The following GRM4 variants were observed in gnomAD, a reference collection of about 807,000 sequenced individuals.
The protein encoded by GRM4 is glutamate metabotropic receptor 4, also known as metabotropic glutamate receptor 4.
A neutral mutation model predicts 81.7 loss-of-function variants in GRM4; 28 were observed. That is an observed-to-expected ratio of 0.34 (90% CI 0.25 to 0.47). GRM4 has a LOEUF of 0.47. Among genes scored for constraint, GRM4 ranks in the 20% least tolerant of loss-of-function variants. The pLI is 1.00. For missense variants in GRM4, 948 were observed against 1,290.0 expected (o/e 0.73, Z 4.06); for synonymous variants, 488 against 528.8 (o/e 0.92, Z 1.06).
Position 34,048,430 on chromosome 6 carries a change from T to C in GRM4, c.1169-7682A>G, listed in dbSNP as rs1049031911. Among the ~76,000 whole-genome samples the C allele has an allele frequency of 6.7e-5, 10 of 149,584 alleles. No individual in the cohort carries two copies. The highest frequency in any genetic ancestry group is 2.4e-4 in the African/African-American group (10 of 41,006). On this transcript the variant is annotated intron_variant, in intron 6 of 10. Coordinates refer to ENST00000538487, the MANE Select transcript of GRM4 (RefSeq NM_000841.4). The surrounding 1 kb of genome is among the most constrained non-coding windows in gnomAD (Gnocchi z 4.0). ...CACACCTCGGCTGAGGAGCTGGGGC[T>C]CAGCTCTCCCACACAGGAGGGGCTG...
Position 34,022,603 on chromosome 6 carries a change from G to A in GRM4, c.*218C>T, listed in dbSNP as rs1048870663. On this transcript the variant is annotated 3_prime_UTR_variant, in exon 11 of 11. Coordinates refer to ENST00000538487, the MANE Select transcript of GRM4 (RefSeq NM_000841.4). The surrounding 1 kb of genome is among the most constrained non-coding windows in gnomAD (Gnocchi z 5.6). ...GTCCAAGACGCAGGTTCTTGTGGTA[G>A]CCTGGCACCGCCCCGGCCCCTCGTC... 1.5e-5 allele frequency: 9 copies of A among 585,978 alleles called. No homozygotes were observed. The highest frequency in any genetic ancestry group is 2.8e-5 in the Non-Finnish European group (9 of 327,142). 36.3% of individuals were successfully genotyped at this position (585,978 alleles called of 1,614,324 possible).
At chr6:34,085,681 G>T (rs2056370686) in intron 3 of GRM4, among the ~76,000 whole-genome samples, 5 of 152,226 alleles carry the variant, frequency 3.3e-5, no homozygotes, top group Admixed American at 3.3e-4. Flanking sequence ...ATGTGCCAGG[G>T]CTGTGTTAGA....
rs116097854 is a variant in GRM4 at position 34,070,599 on chromosome 6, C to A, written c.737-8571G>T. Among the ~76,000 whole-genome samples the A allele has an allele frequency of 6.0e-3, 907 of 151,996 alleles. 3 individuals carry two copies. Among genetic ancestry groups the A allele is most frequent in the African/African-American group, 0.02 (821 of 41,390 alleles). On this transcript the variant is annotated intron_variant, in intron 3 of 10. Coordinates refer to ENST00000538487, the MANE Select transcript of GRM4 (RefSeq NM_000841.4). This position sits in a 1 kb window ranked among gnomAD's most constrained non-coding sequence, Gnocchi z 4.6. ...GGTAAGGCCTAGTGGGGTGGGGCTG[C>A]TGAGGCAGGAGGGCAGGAGCTCGGA... is the stretch of plus-strand genomic sequence containing the variant.
At chr6:34,148,556 G>A (rs1167783975), upstream of GRM4, among the ~76,000 whole-genome samples, 1 of 152,210 alleles carries the variant, frequency 6.6e-6, no homozygotes, top group African/African-American at 2.4e-5. Context: ...TGTTTCAAGG[G>A]ACTTGGCCTG....
Position 34,139,923 on chromosome 6 carries a change from C to T in GRM4, c.-363-6064G>A, listed in dbSNP as rs114688171. Among the ~76,000 whole-genome samples, 703 of 152,326 alleles carry T rather than the reference C, an allele frequency of 4.6e-3. 3 individuals carry two copies. The highest frequency in any genetic ancestry group is 7.3e-3 in the Non-Finnish European group (495 of 68,022). On this transcript the variant is annotated intron_variant, in intron 1 of 10. Coordinates refer to ENST00000538487, the MANE Select transcript of GRM4 (RefSeq NM_000841.4). ...TGCACCAGCCTCTGCTCTGGGTGGG[C>T]GCTGGGGAAACACTGGGAGTGAAAC...
rs1485932375 is a variant in GRM4, at chr6:34,114,172, C to G, written c.519+18806G>C. Among the ~76,000 whole-genome samples, 1 of 152,214 alleles carries G rather than the reference C, an allele frequency of 6.6e-6. No individual in the cohort carries two copies. Among genetic ancestry groups the G allele is most frequent in the Admixed American group, 6.5e-5 (1 of 15,290 alleles). On this transcript the variant is annotated intron_variant, in intron 2 of 10. Coordinates refer to ENST00000538487, the MANE Select transcript of GRM4 (RefSeq NM_000841.4). This position sits in a 1 kb window ranked among gnomAD's most constrained non-coding sequence, Gnocchi z 4.3. ...CCTGGGCAGGTCCCCTCCACAGCAC[C>G]TGTCCCCACTCATGTAAGTGATTAC... is the stretch of plus-strand genomic sequence containing the variant.
At chr6:34,100,024 T>C (rs1316716638) in intron 2 of GRM4, 6 of 979,404 alleles carry the variant, frequency 6.1e-6, no homozygotes, top group Non-Finnish European at 7.3e-6. Flanking sequence ...ATTAATCAGA[T>C]CTATTCCTCT....
intron 10 of GRM4, among the ~76,000 whole-genome samples, chr6:34,024,029 AG>A (rs1441066741): frequency 6.6e-6 from 1 of 152,228 alleles, no homozygotes; most frequent in Non-Finnish European, 1.5e-5. Flanking sequence ...ACCCTCGGTC[AG>A]GATCTGTTGG....
At chr6:34,110,743 C>T in intron 2 of GRM4, 1 of 1,499,476 alleles carries the variant, frequency 6.7e-7, no homozygotes, top group Non-Finnish European at 8.9e-7. Context: ...GCACCTGCAG[C>T]CCGTGAGTCC....
rs1764644797 is a variant in GRM4, at chr6:34,035,559, T to TGAAAGAACGCAGAATGAGGCAA, written c.2442+108_2442+109insTTGCCTCATTCTGCGTTCTTTC. On this transcript the variant is annotated intron_variant, in intron 9 of 10. Transcript: ENST00000538487. This position sits in a 1 kb window ranked among gnomAD's most constrained non-coding sequence, Gnocchi z 6.6. The stretch of plus-strand genomic sequence containing the variant: ...GCAAGAAAGAAGGCAGAATGAGGCA[T>TGAAAGAACGCAGAATGAGGCAA]GAAAGAAGGCATTTCTGGAGCAGGG... 6.8e-6 allele frequency: 4 copies of TGAAAGAACGCAGAATGAGGCAA among 584,792 alleles called. No homozygotes were observed. Among genetic ancestry groups the TGAAAGAACGCAGAATGAGGCAA allele is most frequent in the Non-Finnish European group, 1.2e-5 (4 of 339,170 alleles). 36.2% of individuals were successfully genotyped at this position (584,792 alleles called of 1,614,324 possible).
intron 4 of GRM4, 158 bp downstream of exon 4, chr6:34,061,735 G>A: frequency 1.5e-6 from 1 of 684,286 alleles, no homozygotes; most frequent in Non-Finnish European, 2.5e-6. Flanking sequence ...TCTAGCCTGT[G>A]GGTCTCCCTG....
At position 34,064,228 on chromosome 6, in the gene GRM4, C is replaced by T. The variant is rs552430927; in HGVS notation, c.737-2200G>A. Reference sequence around the variant, plus strand: ...CGGGGGGCGGGGGTGTGCAGAGCTCCGTAATACTAATGAACATTTATGGAG... The same window carrying T: ...CGGGGGGCGGGGGTGTGCAGAGCTCTGTAATACTAATGAACATTTATGGAG... On this transcript the variant is annotated intron_variant, in intron 3 of 10. Coordinates refer to ENST00000538487, the MANE Select transcript of GRM4 (RefSeq NM_000841.4). This position sits in a 1 kb window ranked among gnomAD's most constrained non-coding sequence, Gnocchi z 4.4. 2.0e-5 allele frequency among the ~76,000 whole-genome samples: 3 copies of T among 152,138 alleles called. No homozygotes were observed. Among genetic ancestry groups the T allele is most frequent in the African/African-American group, 4.8e-5 (2 of 41,494 alleles).
chr6:34,040,338 T>C (rs1399203439), intron 7 of GRM4, 24 bp from the exon 8 acceptor site: 2 of 1,612,294 alleles, frequency 1.2e-6, no homozygotes, highest in Non-Finnish European at 1.7e-6. Context: ...CGGGTGTCTT[T>C]GCAGAGCCTT....
chr6:34,066,932 C>T (rs185448896), intron 3 of GRM4, among the ~76,000 whole-genome samples: 7 of 152,266 alleles, frequency 4.6e-5, no homozygotes, highest in African/African-American at 1.7e-4. Flanking sequence ...GTGAAATGGG[C>T]TGCATAGCCG....
At chr6:34,148,054 G>A (rs1396704363), upstream of GRM4, among the ~76,000 whole-genome samples, 3 of 72,004 alleles carry the variant, frequency 4.2e-5, no homozygotes, top group South Asian at 7.8e-4. Flanking sequence ...CCCACCCCCC[G>A]CCCCCCACCA....
At chr6:34,132,693 C>G (rs570963274) in intron 2 of GRM4, among the ~76,000 whole-genome samples, 1 of 152,180 alleles carries the variant, frequency 6.6e-6, no homozygotes, top group Non-Finnish European at 1.5e-5. Flanking sequence ...AGTTGCTCAC[C>G]GAGCCTCCAG....
chr6:34,142,385 G>A (rs2127517441), intron 1 of GRM4, among the ~76,000 whole-genome samples: 1 of 152,356 alleles, frequency 6.6e-6, no homozygotes, highest in East Asian at 1.9e-4. Flanking sequence ...TCTAGACCGA[G>A]CAGAGGAGGA....
intron 3 of GRM4, among the ~76,000 whole-genome samples, chr6:34,083,036 G>C (rs1384682086): frequency 6.6e-6 from 1 of 152,232 alleles, no homozygotes; most frequent in Non-Finnish European, 1.5e-5. Context: ...CACAAAGGAG[G>C]CTGTGAAAGA....
At chr6:34,129,631 C>A (rs1015334404) in intron 2 of GRM4, among the ~76,000 whole-genome samples, 2 of 152,170 alleles carry the variant, frequency 1.3e-5, no homozygotes, top group Non-Finnish European at 2.9e-5. Flanking sequence ...TTCTGGTCCG[C>A]AACAGAGGCC....
Sources: gnomAD v4.1 joint callset for allele counts (sites outside exome capture counted in the v4.1 genomes callset) on GRCh38, gnomAD v4.1.1 for gene constraint, Gnocchi (gnomAD v3.1) non-coding constraint, MANE v1.5 for transcripts, NCBI Gene and HGNC (gene_info 2026-07-23, HGNC 2026-07-21) for gene names.